The following POGZ variants were observed in gnomAD, a reference collection of about 807,000 sequenced individuals.
POGZ encodes pogo transposable element with ZNF domain.
In POGZ, 17 loss-of-function variants were observed where a neutral mutation model predicts 134.6. The ratio of observed to expected loss-of-function variants is 0.13; its 90% confidence interval spans 0.09 to 0.19. The LOEUF (loss-of-function observed/expected upper bound fraction) is 0.19. POGZ is among the 10% of genes least tolerant of loss of function. The pLI is 1.00. For synonymous variants in POGZ, 693 were observed against 657.1 expected, an observed-to-expected ratio of 1.05 and a Z score of -0.84; for missense variants, 1,306 against 1,769.7, an observed-to-expected ratio of 0.74 and a Z score of 4.70.
chr1:151,418,057 T>G (rs1229499580), intron 10 of POGZ, among the ~76,000 whole-genome samples: 1 of 151,464 alleles, frequency 6.6e-6, no homozygotes, highest in Non-Finnish European at 1.5e-5. Context: ...CACTAAAAAA[T>G]ACAAAAAAAT....
chr1:151,425,820 G>A (rs1657673835), intron 7 of POGZ, among the ~76,000 whole-genome samples: 1 of 152,130 alleles, frequency 6.6e-6, no homozygotes, highest in Admixed American at 6.5e-5. Flanking sequence ...AATGAACATA[G>A]GTGTACAAAT....
At chr1:151,423,124 T>C (rs949248738) in intron 10 of POGZ, among the ~76,000 whole-genome samples, 1 of 152,174 alleles carries the variant, frequency 6.6e-6, no homozygotes, top group African/African-American at 2.4e-5. Flanking sequence ...AAGAAATAAA[T>C]TAATTACATT....
intron 10 of POGZ, among the ~76,000 whole-genome samples, chr1:151,422,476 C>CT (rs1260559418): frequency 6.6e-6 from 1 of 152,180 alleles, no homozygotes; most frequent in Non-Finnish European, 1.5e-5. Flanking sequence ...GACTCAATTT[C>CT]TTTGAGCTTA....
intron 1 of POGZ, among the ~76,000 whole-genome samples, chr1:151,447,241 C>T (rs1040678806): frequency 2.6e-5 from 4 of 151,780 alleles, no homozygotes; most frequent in Non-Finnish European, 5.9e-5. Flanking sequence ...CAAAAATTAG[C>T]CAGGTGTGTA....
At chr1:151,408,992 C>G (rs1418625263) in intron 12 of POGZ, among the ~76,000 whole-genome samples, 164 bp from the exon 13 acceptor site, 1 of 152,042 alleles carries the variant, frequency 6.6e-6, no homozygotes, top group African/African-American at 2.4e-5. Context: ...ACCACAAAAC[C>G]TACCATTGAG....
intron 2 of POGZ, 76 bp downstream of exon 2, chr1:151,442,005 T>A: frequency 9.3e-7 from 1 of 1,080,680 alleles, no homozygotes; most frequent in Non-Finnish European, 1.4e-6. Context: ...TCCTTTTCCA[T>A]CTCACACTTT....
At chr1:151,411,276 C>G (rs1654619646) in intron 12 of POGZ, among the ~76,000 whole-genome samples, 2 of 152,204 alleles carry the variant, frequency 1.3e-5, no homozygotes, top group African/African-American at 4.8e-5. Context: ...GCACACTGTT[C>G]TTCGTCTTAT....
At chr1:151,445,422 TG>T (rs1379379620) in intron 1 of POGZ, among the ~76,000 whole-genome samples, 1 of 149,382 alleles carries the variant, frequency 6.7e-6, no homozygotes, top group Non-Finnish European at 1.5e-5. Flanking sequence ...CTCAGGAAGC[TG>T]AGGCAGGAGA....
At chr1:151,418,979 T>C (rs1656299538) in intron 10 of POGZ, among the ~76,000 whole-genome samples, 1 of 138,028 alleles carries the variant, frequency 7.2e-6, no homozygotes, top group South Asian at 2.2e-4. Context: ...GAGCTGAGAT[T>C]GTGCCACCGT....
Position 151,404,552 on chromosome 1 carries a change from A to T in POGZ, c.*250T>A. On this transcript the variant is annotated 3_prime_UTR_variant, in exon 19 of 19. Coordinates refer to ENST00000271715, the MANE Select transcript of POGZ (RefSeq NM_015100.4). Reference sequence around the variant, plus strand: ...AAATTTAAAAAAAAAAAAAGTCACAAAAACCTGTTTTTAGCAGAAGTGAAT... The same window carrying T: ...AAATTTAAAAAAAAAAAAAGTCACATAAACCTGTTTTTAGCAGAAGTGAAT... 8.5e-7 allele frequency: 1 copy of T among 1,180,370 alleles called. No individual in the cohort carries two copies. Among genetic ancestry groups the T allele is most frequent in the Non-Finnish European group, 1.0e-6 (1 of 954,876 alleles). 73.1% of individuals were successfully genotyped at this position (1,180,370 alleles called of 1,614,324 possible). A position where few individuals can be genotyped will look rare whatever the true frequency, so the allele number is the denominator to read the frequency against.
At position 151,405,088 on chromosome 1, in the gene POGZ, G is replaced by C; in HGVS notation, c.3947C>G (p.Pro1316Arg). ...GEVLGVIGDC[P>R]ELVQRSFLVA... ...CAGGAAGGAGCGCTGAACTAGCTCT[G>C]GACAGTCCCCAATGACACCTAGCAC... The change falls in exon 19 of 19, where the codon CCA becomes CGA. Residue 1316 changes from proline (P) to arginine (R), a missense_variant. By Grantham distance (103) the Pro-to-Arg change is moderately radical. Around this residue, in one of 10 missense-constraint regions of POGZ, gnomAD observed 67 missense variants for 105.8 expected, o/e 0.63. Transcript: ENST00000271715. This position sits in a 1 kb window ranked among gnomAD's most constrained non-coding sequence, Gnocchi z 4.9. 6.2e-7 allele frequency: 1 copy of C among 1,614,142 alleles called. No individual in the cohort carries two copies. Among genetic ancestry groups the C allele is most frequent in the Non-Finnish European group, 8.5e-7 (1 of 1,180,008 alleles).
Position 151,406,260 on chromosome 1 carries a change from C to G in POGZ, c.2775G>C (p.Gln925His), listed in dbSNP as rs895202059. Reference sequence around the variant, plus strand: ...TAGCCAGCGGTGGAAGGGCTAAAGCCTGCGGGTGAGTGGGGGTTGGTGGTG... The same window carrying G: ...TAGCCAGCGGTGGAAGGGCTAAAGCGTGCGGGTGAGTGGGGGTTGGTGGTG... ...ATPPPTPTHP[Q>H]ALALPPLATE... The change falls in exon 19 of 19, where the codon CAG becomes CAC. Residue 925 changes from glutamine (Q) to histidine (H), a missense_variant. Coordinates refer to ENST00000271715, the MANE Select transcript of POGZ (RefSeq NM_015100.4). 8.7e-6 allele frequency: 14 copies of G among 1,613,420 alleles called. No homozygotes were observed. The highest frequency in any genetic ancestry group is 3.3e-5 in the Admixed American group (2 of 59,968).
rs745901555 is a variant in POGZ, at chr1:151,428,458, C to A, written c.569-45G>T. On this transcript the variant is annotated intron_variant, in intron 5 of 18. Transcript: ENST00000271715. ...TACCAGATCTTGGTCAGTGAGCTCA[C>A]CTATAACACATTCTCCCTGCCTTTA... 5 of 1,552,298 alleles carry A rather than the reference C, an allele frequency of 3.2e-6. No individual in the cohort carries two copies. In the Admixed American group the frequency reaches 8.5e-5, roughly 26 times the overall value.
In POGZ at chr1:151,442,200, G is replaced by T. The variant is rs748853515; in HGVS notation, c.5C>A (p.Ala2Glu). The T allele has an allele frequency of 1.2e-6, 2 of 1,611,128 alleles. No individual in the cohort carries two copies. Among genetic ancestry groups the T allele is most frequent in the Non-Finnish European group, 1.7e-6 (2 of 1,178,936 alleles). The change falls in exon 2 of 19, where the codon GCG (alanine) becomes GAG (glutamate). Residue 2 changes from alanine (A) to glutamate (E), a missense_variant. This residue lies in a region of POGZ where 6 missense variants were observed against 23.9 expected (regional missense o/e 0.25). Coordinates refer to ENST00000271715, the MANE Select transcript of POGZ (RefSeq NM_015100.4). MADTDLFMECEE... is the reference protein window; with the variant it reads MEDTDLFMECEE... Reference sequence around the variant, plus strand: ...ACATTCCATGAACAGGTCGGTGTCCGCCATGCTATAAGAAAAACATTCAAA... The same window carrying T: ...ACATTCCATGAACAGGTCGGTGTCCTCCATGCTATAAGAAAAACATTCAAA...
At chr1:151,424,401 T>C in intron 8 of POGZ, 115 bp from the exon 9 acceptor site, 3 of 665,424 alleles carry the variant, frequency 4.5e-6, no homozygotes, top group Non-Finnish European at 7.4e-6. Context: ...CTCATTCAGC[T>C]TTCACCCTTC....
chr1:151,423,408 T>A lies in POGZ; in HGVS notation c.1667A>T (p.Tyr556Phe), dbSNP rs749884298. ...GTTTCCAAACTTACTAGTAGATTCA[T>A]AGGGACTATGAACATTTTCCAAGTG... Reference protein sequence around the residue: ...QCHLENVHSPYESTTKCKICE... With the variant: ...QCHLENVHSPFESTTKCKICE... The change falls in exon 10 of 19, where the codon TAT (tyrosine) becomes TTT (phenylalanine). Residue 556 changes from tyrosine to phenylalanine, a missense_variant. Physicochemically the swap from Tyr to Phe is conservative, Grantham distance 22. Transcript: ENST00000271715. 8.1e-6 allele frequency: 13 copies of A among 1,613,890 alleles called. No homozygotes were observed. Among genetic ancestry groups the A allele is most frequent in the Non-Finnish European group, 1.0e-5 (12 of 1,179,894 alleles).
intron 1 of POGZ, among the ~76,000 whole-genome samples, chr1:151,451,815 G>A (rs1358755784): frequency 6.6e-6 from 1 of 151,540 alleles, no homozygotes; most frequent in East Asian, 1.9e-4. Context: ...GTCAATGTTC[G>A]GCTGGACGCG....
At chr1:151,406,575 AG>A (rs766649926) in intron 18 of POGZ, 31 bp downstream of exon 18, 1 of 1,605,402 alleles carries the variant, frequency 6.2e-7, no homozygotes, top group South Asian at 1.1e-5. Context: ...ACTGCAAACC[AG>A]AAATTAAATT....
At chr1:151,454,910 C>A (rs1662583001) in intron 1 of POGZ, 1 of 152,100 alleles carries the variant, frequency 6.6e-6, no homozygotes, top group South Asian at 2.1e-4. Context: ...GAGTTTGAGA[C>A]CAGCCTGATC....
Sources: allele counts gnomAD v4.1 joint callset (sites outside exome capture counted in the v4.1 genomes callset), GRCh38; gene constraint gnomAD v4.1.1; regional missense constraint gnomAD v4.1.1; non-coding constraint Gnocchi (gnomAD v3.1); transcripts MANE v1.5; gene names NCBI Gene and HGNC (gene_info 2026-07-23, HGNC 2026-07-21).